The following DENND6A variants were observed in gnomAD, a reference collection of about 807,000 sequenced individuals.
The protein encoded by DENND6A is DENN domain containing 6A, also known as protein DENND6A.
DENND6A carries 43 observed loss-of-function variants against 95.5 expected under a neutral mutation model. The observed-to-expected ratio is 0.45, with a 90% confidence interval of 0.35 to 0.58. The LOEUF (loss-of-function observed/expected upper bound fraction) is 0.58. Ranked by LOEUF, DENND6A falls within the 20% of genes least tolerant of loss-of-function variation. The probability of loss-of-function intolerance (pLI) is 0.00; values close to 1 mark genes in which losing one functional copy is unlikely to be tolerated. For synonymous variants in DENND6A, 257 were observed against 260.4 expected (o/e 0.99, Z 0.13); for missense variants, 574 against 736.0 (o/e 0.78, Z 2.55).
intron 1 of DENND6A, among the ~76,000 whole-genome samples, chr3:57,672,776 C>G (rs2071639487): frequency 6.7e-6 from 1 of 149,344 alleles, no homozygotes; most frequent in African/African-American, 2.5e-5. Context: ...GAGCAAGACC[C>G]CGTCTCAAAT....
At chr3:57,644,211 C>T (rs1173814157) in intron 11 of DENND6A, among the ~76,000 whole-genome samples, 2 of 150,052 alleles carry the variant, frequency 1.3e-5, no homozygotes, top group Admixed American at 1.3e-4. Context: ...ACCTAGCGAA[C>T]ACCAACATTT....
chr3:57,665,259 A>G (rs2071508716), intron 4 of DENND6A, among the ~76,000 whole-genome samples: 1 of 152,160 alleles, frequency 6.6e-6, no homozygotes, highest in Non-Finnish European at 1.5e-5. Context: ...TATATAATAT[A>G]TATGTACACT....
intron 7 of DENND6A, among the ~76,000 whole-genome samples, chr3:57,660,405 AC>A (rs1259753271): frequency 6.6e-6 from 1 of 151,994 alleles, no homozygotes; most frequent in African/African-American, 2.4e-5. Flanking sequence ...GGTCTTCAAC[AC>A]TTGGGCTCAA....
chr3:57,684,438 G>A (rs2077194054), intron 1 of DENND6A, among the ~76,000 whole-genome samples: 1 of 152,166 alleles, frequency 6.6e-6, no homozygotes, highest in African/African-American at 2.4e-5. Flanking sequence ...ACTCTAGCCT[G>A]GGTGACAAAG....
chr3:57,663,744 T>TG (rs2036342897), intron 4 of DENND6A, 28 bp from the exon 5 acceptor site: 2 of 1,378,734 alleles, frequency 1.5e-6, no homozygotes, highest in Admixed American at 2.0e-5. Context: ...AGTAAGTGTG[T>TG]GTGGGGGGGT....
intron 1 of DENND6A, chr3:57,679,493 T>A (rs2077140441): frequency 1.0e-6 from 1 of 985,322 alleles, no homozygotes; most frequent in Non-Finnish European, 1.2e-6. Context: ...TCACCTTGAC[T>A]TTGGGCAAAA....
At chr3:57,675,087 T>C (rs2071688001) in intron 1 of DENND6A, among the ~76,000 whole-genome samples, 1 of 152,220 alleles carries the variant, frequency 6.6e-6, no homozygotes, top group Non-Finnish European at 1.5e-5. Context: ...CATGAGTTTA[T>C]GTACATGTTT....
chr3:57,660,929 A>G, intron 6 of DENND6A, 90 bp from the exon 7 acceptor site: 1 of 1,137,130 alleles, frequency 8.8e-7, no homozygotes, highest in Non-Finnish European at 1.2e-6. Context: ...ACTACTTTCC[A>G]TACAGCAGAA....
At chr3:57,685,375 G>A (rs1048370314) in intron 1 of DENND6A, among the ~76,000 whole-genome samples, 1 of 152,110 alleles carries the variant, frequency 6.6e-6, no homozygotes, top group Non-Finnish European at 1.5e-5. Flanking sequence ...TATTCAGGTT[G>A]AGTATTCCTT....
intron 12 of DENND6A, among the ~76,000 whole-genome samples, chr3:57,638,686 TA>T (rs1247969385): frequency 6.6e-6 from 1 of 150,706 alleles, no homozygotes; most frequent in Non-Finnish European, 1.5e-5. Context: ...AATAAATAAA[TA>T]AATAAAATGG....
chr3:57,677,841 A>T (rs2071739815), intron 1 of DENND6A, among the ~76,000 whole-genome samples: 1 of 152,142 alleles, frequency 6.6e-6, no homozygotes, highest in Non-Finnish European at 1.5e-5. Flanking sequence ...GCTTTGTATC[A>T]GACTGCATTT....
At chr3:57,645,948 C>T (rs1438139134) in intron 10 of DENND6A, among the ~76,000 whole-genome samples, 192 bp from the exon 11 acceptor site, 1 of 152,100 alleles carries the variant, frequency 6.6e-6, no homozygotes, top group Non-Finnish European at 1.5e-5. Context: ...AAAGAACACA[C>T]TGGGTTTGGG....
chr3:57,685,641 A>C (rs938893627), intron 1 of DENND6A, among the ~76,000 whole-genome samples: 2 of 152,242 alleles, frequency 1.3e-5, no homozygotes, highest in Non-Finnish European at 2.9e-5. Flanking sequence ...AACCTTACTA[A>C]GATGGCATTG....
rs1379743707 is a variant in DENND6A, at chr3:57,630,779, T to G, written c.1453A>C (p.Thr485Pro). The G allele has an allele frequency of 6.2e-6, 10 of 1,614,076 alleles. No homozygotes were observed. Among genetic ancestry groups the G allele is most frequent in the Non-Finnish European group, 7.6e-6 (9 of 1,179,990 alleles). The change falls in exon 17 of 20, where the codon ACA becomes CCA. Residue 485 changes from threonine (T) to proline (P), a missense_variant. Physicochemically the swap from Thr to Pro is conservative, Grantham distance 38. Coordinates refer to ENST00000311128, the MANE Select transcript of DENND6A (RefSeq NM_152678.3). ...RQFLPEEFMK[T>P]LEKTGPQLTS... ...AGCTGAGGTCCTGTTTTCTCAAGTG[T>G]TTTCATAAATTCTTCTGGAAGAAAC...
chr3:57,639,623 C>T (rs2070880348), intron 12 of DENND6A, among the ~76,000 whole-genome samples: 1 of 152,146 alleles, frequency 6.6e-6, no homozygotes, highest in Admixed American at 6.6e-5. Flanking sequence ...TCAGACAGAA[C>T]AGTAACAGAA....
At chr3:57,663,559 C>A in intron 5 of DENND6A, 77 bp downstream of exon 5, 1 of 954,162 alleles carries the variant, frequency 1.0e-6, no homozygotes, top group Non-Finnish European at 1.5e-6. Flanking sequence ...ACTTTAAAGA[C>A]TCTTAAATCT....
At chr3:57,662,509 T>C (rs1222403100) in intron 5 of DENND6A, among the ~76,000 whole-genome samples, 1 of 152,142 alleles carries the variant, frequency 6.6e-6, no homozygotes, top group Non-Finnish European at 1.5e-5. Context: ...TACCTGATTC[T>C]TTTTAAGAAA....
Position 57,661,508 on chromosome 3 carries a change from T to C in DENND6A, c.557A>G (p.His186Arg). 6.3e-7 allele frequency: 1 copy of C among 1,581,212 alleles called. No homozygotes were observed. ...TGGTGCTATCTGTTTGAGCACAGTG[T>C]GAAAAAAATGAATATAAGGTAGTTT... ...ISKLPYIHFF[H>R]TVLKQIAPEY... The change falls in exon 6 of 20, where the codon CAC becomes CGC. Residue 186 changes from histidine to arginine, a missense_variant. Around this residue, in one of 2 missense-constraint regions of DENND6A, gnomAD observed 452 missense variants for 630.9 expected, o/e 0.72. Coordinates refer to ENST00000311128, the MANE Select transcript of DENND6A (RefSeq NM_152678.3).
At chr3:57,631,280 T>G (rs2070665944) in intron 15 of DENND6A, 1 of 233,112 alleles carries the variant, frequency 4.3e-6, no homozygotes, top group Admixed American at 5.5e-5. Flanking sequence ...CACTACAACC[T>G]CTGCCCCCCG....
Sources: allele counts gnomAD v4.1 joint callset (sites outside exome capture counted in the v4.1 genomes callset), GRCh38; gene constraint gnomAD v4.1.1; regional missense constraint gnomAD v4.1.1; transcripts MANE v1.5; gene names NCBI Gene and HGNC (gene_info 2026-07-23, HGNC 2026-07-21).